Variants in PRKCE observed in about 807,000 individuals in gnomAD.
PRKCE encodes protein kinase C epsilon type.
PRKCE carries 16 observed loss-of-function variants against 85.4 expected under a neutral mutation model. The observed-to-expected ratio is 0.19, with a 90% CI of 0.13 to 0.28. The LOEUF (loss-of-function observed/expected upper bound fraction) is 0.28. Among genes scored for constraint, PRKCE ranks in the 10% least tolerant of loss-of-function variants. The pLI is 1.00. For missense variants in PRKCE, 573 were observed against 975.2 expected, an observed-to-expected ratio of 0.59 and a Z score of 5.49; for synonymous variants, 388 against 371.5, an observed-to-expected ratio of 1.04 and a Z score of -0.51.
At chr2:46,140,254 A>C (rs2104458276) in intron 11 of PRKCE, among the ~76,000 whole-genome samples, 1 of 152,340 alleles carries the variant, frequency 6.6e-6, no homozygotes, top group South Asian at 2.1e-4. Context: ...ATTTTGAAAA[A>C]TAATAATATG....
rs993940646 is a variant in PRKCE at position 45,688,568 on chromosome 2, A to C, written c.348+36120A>C. On this transcript the variant is annotated intron_variant, in intron 1 of 14. Coordinates refer to ENST00000306156, the MANE Select transcript of PRKCE (RefSeq NM_005400.3). The stretch of plus-strand genomic sequence containing the variant: ...TAACTTGGATGAATATATTATGCCT[A>C]AGGAATTGAGCATCAGTCTGGGCTT... Among the ~76,000 whole-genome samples, 7 of 152,342 alleles carry C rather than the reference A, an allele frequency of 4.6e-5. No individual in the cohort carries two copies. In the South Asian group the frequency reaches 1.2e-3, roughly 27 times the overall value.
At chr2:45,746,961 G>T (rs1245399617) in intron 1 of PRKCE, among the ~76,000 whole-genome samples, 1 of 152,018 alleles carries the variant, frequency 6.6e-6, no homozygotes, top group African/African-American at 2.4e-5. Context: ...TCAAGCCTCA[G>T]TCCCCGCCAC....
At chr2:45,717,675 C>T (rs1167281574) in intron 1 of PRKCE, among the ~76,000 whole-genome samples, 20 of 152,202 alleles carry the variant, frequency 1.3e-4, no homozygotes, top group Non-Finnish European at 1.5e-5. Context: ...CCATAGTAGT[C>T]TGCAAGGGAT....
At chr2:46,092,380 C>A (rs1015406797) in intron 11 of PRKCE, among the ~76,000 whole-genome samples, 1 of 152,186 alleles carries the variant, frequency 6.6e-6, no homozygotes, top group African/African-American at 2.4e-5. Context: ...TCATCATTCC[C>A]TGAGAGTCAG....
intron 2 of PRKCE, among the ~76,000 whole-genome samples, chr2:45,906,929 G>T (rs754006689): frequency 6.6e-6 from 1 of 152,146 alleles, no homozygotes; most frequent in Non-Finnish European, 1.5e-5. Context: ...TTCTCCTGCC[G>T]CCCTTCTTTA....
intron 2 of PRKCE, among the ~76,000 whole-genome samples, chr2:45,900,804 G>A (rs1013993936): frequency 3.3e-5 from 5 of 152,218 alleles, no homozygotes; most frequent in African/African-American, 7.2e-5. Flanking sequence ...CTTTTTAAAT[G>A]TAATTGATTC....
chr2:45,872,547 A>G (rs552405332), intron 2 of PRKCE, among the ~76,000 whole-genome samples: 40 of 151,870 alleles, frequency 2.6e-4, no homozygotes, highest in African/African-American at 9.5e-4. Flanking sequence ...GTCAATTAAG[A>G]GCCACTGCCA....
chr2:45,734,644 G>T (rs574133235), intron 1 of PRKCE, among the ~76,000 whole-genome samples: 16 of 152,322 alleles, frequency 1.1e-4, no homozygotes, highest in Admixed American at 9.8e-4. Context: ...TTTGGCCTGG[G>T]CCTCTGTTGT....
chr2:45,878,185 C>T lies in PRKCE; in HGVS notation c.412+35122C>T, dbSNP rs111418759. Among the ~76,000 whole-genome samples, 879 of 152,348 alleles carry T rather than the reference C, an allele frequency of 5.8e-3. 11 individuals carry two copies. Among genetic ancestry groups the T allele is most frequent in the African/African-American group, 0.02 (824 of 41,568 alleles). On this transcript the variant is annotated intron_variant, in intron 2 of 14. Coordinates refer to ENST00000306156, the MANE Select transcript of PRKCE (RefSeq NM_005400.3). Reference sequence around the variant, plus strand: ...GGCGAGCAGCAGAACCTAGACGAAACCCCTGGTGTTTCGGTAACACCTTGT... The same window carrying T: ...GGCGAGCAGCAGAACCTAGACGAAATCCCTGGTGTTTCGGTAACACCTTGT...
chr2:46,071,737 T>A (rs184270147), intron 10 of PRKCE, among the ~76,000 whole-genome samples: 29 of 152,334 alleles, frequency 1.9e-4, no homozygotes, highest in African/African-American at 5.0e-4. Flanking sequence ...AATTTATGTG[T>A]TTAGAGAGAC....
chr2:45,924,467 T>C (rs1231129970), intron 2 of PRKCE, among the ~76,000 whole-genome samples: 1 of 152,166 alleles, frequency 6.6e-6, no homozygotes, highest in Non-Finnish European at 1.5e-5. Context: ...ATGTTTGTGT[T>C]CTATGGAGGC....
chr2:45,945,694 T>G (rs888434360), intron 2 of PRKCE, among the ~76,000 whole-genome samples: 1 of 152,246 alleles, frequency 6.6e-6, no homozygotes, highest in African/African-American at 2.4e-5. Flanking sequence ...GGTACTCTTA[T>G]TACCCCTTCC....
chr2:45,813,659 A>G (rs923312644), intron 1 of PRKCE, among the ~76,000 whole-genome samples: 2 of 152,202 alleles, frequency 1.3e-5, no homozygotes, highest in African/African-American at 4.8e-5. Context: ...CTTCCAGCAT[A>G]CAGGACTTCA....
chr2:46,148,771 G>A (rs1438124978), intron 12 of PRKCE, among the ~76,000 whole-genome samples: 2 of 152,364 alleles, frequency 1.3e-5, no homozygotes, highest in Admixed American at 1.3e-4. Context: ...CGACGTAGTG[G>A]TATGTGGAAA....
chr2:45,678,007 T>C (rs10207776), intron 1 of PRKCE: 77,425 of 608,378 alleles, frequency 0.13, 4,965 homozygotes, highest in Middle Eastern at 0.16. Flanking sequence ...AGGAACCTTT[T>C]AGAACCCAAT....
chr2:45,736,908 A>G (rs1431917130), intron 1 of PRKCE, among the ~76,000 whole-genome samples: 6 of 152,328 alleles, frequency 3.9e-5, no homozygotes, highest in East Asian at 1.9e-4. Context: ...GGGAGACTTC[A>G]CTGAGTGGAT....
chr2:45,981,410 C>A (rs1702880385), intron 5 of PRKCE, among the ~76,000 whole-genome samples: 2 of 152,148 alleles, frequency 1.3e-5, no homozygotes, highest in African/African-American at 4.8e-5. Context: ...AGACTTCTAC[C>A]TGCTTCTTAA....
intron 1 of PRKCE, among the ~76,000 whole-genome samples, chr2:45,819,417 C>A (rs751132472): frequency 6.6e-6 from 1 of 152,166 alleles, no homozygotes; most frequent in Non-Finnish European, 1.5e-5. Flanking sequence ...GAGAACACCA[C>A]GTTTATGAGT....
chr2:46,037,007 T>C (rs2104979844), intron 10 of PRKCE, among the ~76,000 whole-genome samples: 1 of 152,302 alleles, frequency 6.6e-6, no homozygotes. Flanking sequence ...TCCCAGCAGC[T>C]GCCAGGACGG....
Sources: gnomAD v4.1 joint callset for allele counts (sites outside exome capture counted in the v4.1 genomes callset) on GRCh38, gnomAD v4.1.1 for gene constraint, MANE v1.5 for transcripts, NCBI Gene and HGNC (gene_info 2026-07-23, HGNC 2026-07-21) for gene names.